The following ANTXR2 variants were observed in gnomAD, a reference collection of about 807,000 sequenced individuals.
ANTXR2 encodes the protein anthrax toxin receptor 2.
In ANTXR2, 44 loss-of-function variants were observed where a neutral mutation model predicts 73.7. The ratio of observed to expected loss-of-function variants is 0.60; its 90% CI spans 0.47 to 0.77. The LOEUF is 0.77. Ranked by LOEUF, ANTXR2 falls within the 30% of genes least tolerant of loss-of-function variation. The pLI, the probability that ANTXR2 is intolerant of heterozygous loss-of-function variation, is 0.00. For synonymous variants in ANTXR2, 217 were observed against 205.9 expected (o/e 1.05, Z -0.46); for missense variants, 604 against 592.5 (o/e 1.02, Z -0.20).
intron 16 of ANTXR2, among the ~76,000 whole-genome samples, chr4:79,929,849 A>G (rs1409673282): frequency 6.6e-6 from 1 of 152,208 alleles, no homozygotes; most frequent in African/African-American, 2.4e-5. Context: ...CAAGAGCAAT[A>G]ATAAAAATGA....
At chr4:80,063,485 A>G (rs1348896806) in intron 3 of ANTXR2, among the ~76,000 whole-genome samples, 2 of 151,976 alleles carry the variant, frequency 1.3e-5, no homozygotes, top group Non-Finnish European at 2.9e-5. Context: ...AACCACATAT[A>G]TATATATAAA....
At position 79,985,274 on chromosome 4, in the gene ANTXR2, C is replaced by T. The variant is rs537473896; in HGVS notation, c.1042-411G>A. Among the ~76,000 whole-genome samples, 191 of 151,182 alleles carry T rather than the reference C, an allele frequency of 1.3e-3. 1 individual carries two copies. Among genetic ancestry groups the T allele is most frequent in the African/African-American group, 4.6e-3 (189 of 41,150 alleles). Reference sequence around the variant, plus strand: ...CTGAGGCAGGAGAATGGCGTGAACCCGGGAGGCAGAGCTTGCAGTGTGCCG... The same window carrying T: ...CTGAGGCAGGAGAATGGCGTGAACCTGGGAGGCAGAGCTTGCAGTGTGCCG... On this transcript the variant is annotated intron_variant, in intron 12 of 16. Coordinates refer to ENST00000403729, the MANE Select transcript of ANTXR2 (RefSeq NM_058172.6).
intron 16 of ANTXR2, among the ~76,000 whole-genome samples, chr4:79,954,782 G>C (rs531108241): frequency 6.6e-6 from 1 of 152,164 alleles, no homozygotes; most frequent in East Asian, 1.9e-4. Flanking sequence ...CAGACCGGAG[G>C]GCAGAGGCCA....
intron 14 of ANTXR2, among the ~76,000 whole-genome samples, chr4:79,980,653 A>C (rs1729847000): frequency 6.6e-6 from 1 of 152,204 alleles, no homozygotes; most frequent in Non-Finnish European, 1.5e-5. Context: ...TTTCACACTG[A>C]ATTGGCAGAA....
chr4:79,915,862 C>CTATATATATATATATATA (rs1553925226), intron 16 of ANTXR2, among the ~76,000 whole-genome samples: 17 of 123,884 alleles, frequency 1.4e-4, no homozygotes, highest in African/African-American at 5.2e-4. Flanking sequence ...CTCTCTCTCT[C>CTATATATATATATATATA]TATATATATA....
chr4:79,982,815 G>A (rs1448842561), intron 14 of ANTXR2, among the ~76,000 whole-genome samples: 1 of 152,094 alleles, frequency 6.6e-6, no homozygotes, highest in Non-Finnish European at 1.5e-5. Context: ...GATCTAATGT[G>A]GTCCAGAAAA....
Position 80,026,540 on chromosome 4 carries a change from C to G in ANTXR2, c.866+5083G>C, listed in dbSNP as rs140665976. Among the ~76,000 whole-genome samples the G allele has an allele frequency of 5.2e-3, 659 of 127,274 alleles. 8 individuals carry two copies. The highest frequency in any genetic ancestry group is 0.015 in the African/African-American group (628 of 40,938). The allele number at this position is 127,274 out of a possible 152,430, so 83.5% of individuals were successfully genotyped here. ...TTTAAGTACCTATTTCAAGAATATT[C>G]TCTACATCCTCATATAGGTGTCCAT... On this transcript the variant is annotated intron_variant, in intron 10 of 16. Coordinates refer to ENST00000403729, the MANE Select transcript of ANTXR2 (RefSeq NM_058172.6).
At chr4:79,922,649 C>T (rs1166313362) in intron 16 of ANTXR2, among the ~76,000 whole-genome samples, 4 of 152,110 alleles carry the variant, frequency 2.6e-5, no homozygotes, top group African/African-American at 9.6e-5. Context: ...GAACAGTTTG[C>T]TTCTTGATCC....
chr4:79,915,862 C>CTCTATATATATATATATATATA (rs377006532), intron 16 of ANTXR2, among the ~76,000 whole-genome samples: 7 of 123,880 alleles, frequency 5.7e-5, no homozygotes, highest in African/African-American at 2.1e-4. Context: ...CTCTCTCTCT[C>CTCTATATATATATATATATATA]TATATATATA....
chr4:79,914,403 AT>A (rs922447580), intron 16 of ANTXR2, among the ~76,000 whole-genome samples: 4 of 151,734 alleles, frequency 2.6e-5, no homozygotes, highest in Non-Finnish European at 5.9e-5. Flanking sequence ...AGGTTTGACT[AT>A]TTTTTTTCTC....
intron 16 of ANTXR2, among the ~76,000 whole-genome samples, chr4:79,926,986 T>C (rs1727831141): frequency 8.3e-6 from 1 of 120,106 alleles, no homozygotes; most frequent in African/African-American, 4.1e-5. Context: ...TACGTGTGCA[T>C]ATATGTGTAT....
Position 79,974,504 on chromosome 4 carries a change from G to T in ANTXR2, c.1428+3117C>A, listed in dbSNP as rs1012331264. On this transcript the variant is annotated intron_variant, in intron 16 of 16. Coordinates refer to ENST00000403729, the MANE Select transcript of ANTXR2 (RefSeq NM_058172.6). The stretch of plus-strand genomic sequence containing the variant: ...ATTATATTTTATCTATATCTCTGAG[G>T]TTCAAAATCTTTGAAAACTGAAAGT... 4.6e-5 allele frequency among the ~76,000 whole-genome samples: 7 copies of T among 151,962 alleles called. No homozygotes were observed. The South Asian group carries it at 8.3e-4, about 18-fold the overall frequency.
In ANTXR2 at chr4:79,993,760, G is replaced by GCGCGCGCGCGCACACA. The variant is rs71662888; in HGVS notation, c.1042-8898_1042-8897insTGTGTGCGCGCGCGCG. On this transcript the variant is annotated intron_variant, in intron 12 of 16. Transcript: ENST00000403729. ...GGCAATACACCACACACACACACAC[G>GCGCGCGCGCGCACACA]CACACACACACACACACACACACAT... Among the ~76,000 whole-genome samples the GCGCGCGCGCGCACACA allele has an allele frequency of 5.7e-5, 8 of 140,770 alleles. No individual in the cohort carries two copies. In the South Asian group the frequency reaches 6.8e-4, roughly 12 times the overall value. The allele number at this position is 140,770 out of a possible 152,430, so 92.4% of individuals were successfully genotyped here. A position where few individuals can be genotyped will look rare whatever the true frequency, so the allele number is the denominator to read the frequency against.
intron 7 of ANTXR2, among the ~76,000 whole-genome samples, chr4:80,049,254 T>G (rs1422577710): frequency 2.0e-5 from 3 of 151,800 alleles, no homozygotes; most frequent in Non-Finnish European, 2.9e-5. Flanking sequence ...TTTTCTTTTA[T>G]TTTTAATGTT....
chr4:79,916,526 T>C (rs1578079940), intron 16 of ANTXR2, among the ~76,000 whole-genome samples: 1 of 152,116 alleles, frequency 6.6e-6, no homozygotes, highest in Non-Finnish European at 1.5e-5. Flanking sequence ...GATCATTTCA[T>C]AGATCTTAAA....
intron 16 of ANTXR2, among the ~76,000 whole-genome samples, chr4:79,963,502 T>C (rs1283606462): frequency 1.3e-5 from 2 of 152,166 alleles, no homozygotes; most frequent in African/African-American, 4.8e-5. Context: ...AAAAGTCCTC[T>C]CAATATACTG....
intron 16 of ANTXR2, among the ~76,000 whole-genome samples, chr4:79,911,322 G>A (rs1350028882): frequency 3.3e-5 from 5 of 152,034 alleles, no homozygotes; most frequent in African/African-American, 1.2e-4. Flanking sequence ...TGTACAGAAT[G>A]GAAAGTATTA....
chr4:80,070,415 C>T (rs1375533887), intron 2 of ANTXR2, among the ~76,000 whole-genome samples: 2 of 152,160 alleles, frequency 1.3e-5, no homozygotes, highest in South Asian at 2.1e-4. Flanking sequence ...TGATTCATTG[C>T]TTTTGATCAA....
At chr4:80,014,954 C>T (rs1731770906) in intron 11 of ANTXR2, among the ~76,000 whole-genome samples, 1 of 152,182 alleles carries the variant, frequency 6.6e-6, no homozygotes, top group Non-Finnish European at 1.5e-5. Context: ...TAAATTCACT[C>T]TTCCCTCTTG....
Sources: gnomAD v4.1 joint callset for allele counts (sites outside exome capture counted in the v4.1 genomes callset) on GRCh38, gnomAD v4.1.1 for gene constraint, MANE v1.5 for transcripts, NCBI Gene and HGNC (gene_info 2026-07-23, HGNC 2026-07-21) for gene names.